Variants in SOX5 observed in about 807,000 individuals in gnomAD.
The protein encoded by SOX5 is transcription factor SOX-5.
Under a neutral mutation model 92.0 loss-of-function variants are expected in SOX5, and 9 were observed. The ratio of observed to expected loss-of-function variants is 0.10; its 90% CI spans 0.06 to 0.17. The LOEUF is 0.17. Among genes scored for constraint, SOX5 ranks in the 10% least tolerant of loss-of-function variants. The probability of loss-of-function intolerance (pLI) is 1.00; values close to 1 mark genes in which losing one functional copy is unlikely to be tolerated. For missense variants in SOX5, 642 were observed against 944.5 expected (o/e 0.68, Z 4.20); for synonymous variants, 344 against 336.3 (o/e 1.02, Z -0.25).
chr12:24,447,877 C>T (rs574088886), intron 1 of SOX5, among the ~76,000 whole-genome samples: 11 of 152,120 alleles, frequency 7.2e-5, no homozygotes, highest in Admixed American at 1.3e-4. Flanking sequence ...GAGAGGGATG[C>T]GGACAAATTG....
chr12:24,060,105 A>G (rs1393926336), intron 4 of SOX5, among the ~76,000 whole-genome samples: 2 of 152,232 alleles, frequency 1.3e-5, no homozygotes, highest in African/African-American at 4.8e-5. Flanking sequence ...GGTGATTTGT[A>G]TCATACTTTT....
At chr12:24,471,698 T>C (rs1253339912) in intron 1 of SOX5, among the ~76,000 whole-genome samples, 1 of 152,170 alleles carries the variant, frequency 6.6e-6, no homozygotes, top group Non-Finnish European at 1.5e-5. Context: ...TTAGGTGTGT[T>C]ACTAATGGAG....
chr12:24,238,319 T>C lies in SOX5; in HGVS notation c.-76-24902A>G, dbSNP rs558868484. 3.9e-5 allele frequency among the ~76,000 whole-genome samples: 6 copies of C among 152,250 alleles called. No homozygotes were observed. The South Asian group carries it at 8.3e-4, about 21-fold the overall frequency. On this transcript the variant is annotated intron_variant, in intron 3 of 4. Coordinates refer to the SOX5 transcript ENST00000446891. ...AGGAGGCAGAACTAAGACTCATCTATAGGGAGCCATGCTCTGCACTAGGCA... is the reference window on the plus strand; with the variant it reads ...AGGAGGCAGAACTAAGACTCATCTACAGGGAGCCATGCTCTGCACTAGGCA...
At chr12:24,052,927 A>G (rs780894398) in intron 4 of SOX5, among the ~76,000 whole-genome samples, 5 of 152,196 alleles carry the variant, frequency 3.3e-5, no homozygotes, top group South Asian at 4.1e-4. Flanking sequence ...TCAGCCATCA[A>G]TCTCCCAATA....
intron 1 of SOX5, among the ~76,000 whole-genome samples, chr12:24,416,784 A>G (rs1566111534): frequency 6.6e-6 from 1 of 152,222 alleles, no homozygotes; most frequent in Non-Finnish European, 1.5e-5. Context: ...AAACTCTGAA[A>G]TTAGGCTGAG....
At chr12:23,825,146 A>G (rs889098145) in intron 3 of SOX5, among the ~76,000 whole-genome samples, 2 of 152,102 alleles carry the variant, frequency 1.3e-5, no homozygotes, top group African/African-American at 2.4e-5. Context: ...GTATGAAAAA[A>G]AACTGCAGCT....
At chr12:24,052,137 G>A (rs1957626487) in intron 4 of SOX5, among the ~76,000 whole-genome samples, 1 of 151,910 alleles carries the variant, frequency 6.6e-6, no homozygotes, top group East Asian at 1.9e-4. Flanking sequence ...TCATTTACCT[G>A]CTCCTTAAAC....
chr12:24,030,632 G>T (rs1183780593), intron 4 of SOX5, among the ~76,000 whole-genome samples: 2 of 151,860 alleles, frequency 1.3e-5, no homozygotes, highest in African/African-American at 4.8e-5. Context: ...ACATTGATCT[G>T]GGCAATCCTT....
chr12:23,591,470 G>T (rs571282368), intron 9 of SOX5, among the ~76,000 whole-genome samples: 2 of 152,154 alleles, frequency 1.3e-5, no homozygotes, highest in African/African-American at 4.8e-5. Context: ...TATAGTCCTG[G>T]ATAGAACAGA....
intron 11 of SOX5, among the ~76,000 whole-genome samples, chr12:23,553,530 G>T (rs1334645548): frequency 6.6e-6 from 1 of 152,082 alleles, no homozygotes; most frequent in Non-Finnish European, 1.5e-5. Flanking sequence ...ACATGTGGAA[G>T]AAGGGAGGCA....
chr12:23,700,857 T>C (rs567863486), intron 6 of SOX5, among the ~76,000 whole-genome samples: 1 of 152,044 alleles, frequency 6.6e-6, no homozygotes, highest in African/African-American at 2.4e-5. Flanking sequence ...ATATTTTTAT[T>C]ATATTGATAG....
chr12:24,078,675 G>A (rs938113849), intron 4 of SOX5, among the ~76,000 whole-genome samples: 3 of 152,006 alleles, frequency 2.0e-5, no homozygotes, highest in Non-Finnish European at 2.9e-5. Context: ...TGTGACTCAT[G>A]GTAAGAACCT....
At chr12:24,338,607 T>G (rs1448475236) in intron 2 of SOX5, among the ~76,000 whole-genome samples, 1 of 152,244 alleles carries the variant, frequency 6.6e-6, no homozygotes, top group Non-Finnish European at 1.5e-5. Flanking sequence ...GGTTTGGCTA[T>G]GTCCCCGCCC....
chr12:23,616,303 C>G (rs547583021), intron 8 of SOX5, among the ~76,000 whole-genome samples: 1 of 152,194 alleles, frequency 6.6e-6, no homozygotes, highest in Non-Finnish European at 1.5e-5. Flanking sequence ...CGCTAACCTC[C>G]TAAGTGGTTA....
At chr12:23,740,693 G>C (rs1194122576) in intron 5 of SOX5, among the ~76,000 whole-genome samples, 174 bp downstream of exon 5, 2 of 152,038 alleles carry the variant, frequency 1.3e-5, no homozygotes, top group East Asian at 3.9e-4. Context: ...TTAAAATCCG[G>C]GTTTTGTCTG....
intron 1 of SOX5, among the ~76,000 whole-genome samples, chr12:24,556,799 A>G (rs754706379): frequency 6.6e-6 from 1 of 152,200 alleles, no homozygotes; most frequent in Non-Finnish European, 1.5e-5. Context: ...ATAAAACCAC[A>G]TTGTCAGAGA....
intron 6 of SOX5, among the ~76,000 whole-genome samples, chr12:23,716,294 A>C (rs953272150): frequency 1.6e-4 from 25 of 152,174 alleles, no homozygotes; most frequent in African/African-American, 6.0e-4. Context: ...AGGAAAAGAA[A>C]AAAAGAGAAC....
chr12:24,372,553 T>G (rs1392435616), intron 1 of SOX5, among the ~76,000 whole-genome samples: 1 of 152,240 alleles, frequency 6.6e-6, no homozygotes, highest in Non-Finnish European at 1.5e-5. Flanking sequence ...TTGGGTTGGT[T>G]CCAAGTCTTT....
At position 24,241,637 on chromosome 12, in the gene SOX5, A is replaced by C. The variant is rs113145861; in HGVS notation, c.-76-28220T>G. 5.9e-5 allele frequency among the ~76,000 whole-genome samples: 9 copies of C among 152,298 alleles called. 1 individual carries two copies. Among genetic ancestry groups the C allele is most frequent in the African/African-American group, 2.2e-4 (9 of 41,566 alleles). ...TTCAGGTGACTAAAGCTACCTCTGGAGAAGACACTGAAAAATGTACTTCAC... is the reference window on the plus strand; with the variant it reads ...TTCAGGTGACTAAAGCTACCTCTGGCGAAGACACTGAAAAATGTACTTCAC... On this transcript the variant is annotated intron_variant, in intron 3 of 4. Transcript: ENST00000446891.
Sources: gnomAD v4.1 joint callset for allele counts (sites outside exome capture counted in the v4.1 genomes callset) on GRCh38, gnomAD v4.1.1 for gene constraint, MANE v1.5 for transcripts, NCBI Gene and HGNC (gene_info 2026-07-23, HGNC 2026-07-21) for gene names.